MSRA: variants seen among roughly 807,000 people sequenced by gnomAD.
The protein encoded by MSRA is mitochondrial peptide methionine sulfoxide reductase.
In MSRA, 54 loss-of-function variants were observed where a neutral mutation model predicts 31.3. The ratio of observed to expected loss-of-function variants is 1.73; its 90% CI spans 1.39 to 2.17. The LOEUF (loss-of-function observed/expected upper bound fraction) is 2.17, where lower values mean the gene tolerates loss of function less well. Ranked by LOEUF, MSRA falls within the 30% of genes most tolerant of loss-of-function variation. The probability of loss-of-function intolerance (pLI) is 0.00; values close to 1 mark genes in which losing one functional copy is unlikely to be tolerated. For missense variants in MSRA, 507 were observed against 300.9 expected (o/e 1.69, Z -5.07); for synonymous variants, 169 against 116.5 (o/e 1.45, Z -2.90).
chr8:10,206,048 G>C (rs543186447), intron 1 of MSRA, among the ~76,000 whole-genome samples: 33 of 152,242 alleles, frequency 2.2e-4, no homozygotes, highest in South Asian at 6.2e-4. Flanking sequence ...TTCTTCTCGT[G>C]TGTTTTTTTC....
chr8:10,301,627 A>G lies in MSRA; in HGVS notation c.425A>G (p.Asp142Gly). 1 of 1,613,756 alleles carries G rather than the reference A, an allele frequency of 6.2e-7. No individual in the cohort carries two copies. The highest frequency in any genetic ancestry group is 1.1e-5 in the South Asian group (1 of 91,050). ...CTCAAGGTCTTCTGGGAGAATCACG[A>G]CCCGACCCAAGGTAGAGTGATGAGT... ...ELLKVFWENH[D>G]PTQGMRQGND... Residue 142 changes from aspartate to glycine, a missense_variant, in exon 4 of 6, where the codon GAC (aspartate) becomes GGC (glycine). Asp to Gly is a moderately conservative substitution (Grantham distance 94, BLOSUM62 -1). Transcript: ENST00000317173.
intron 1 of MSRA, among the ~76,000 whole-genome samples, chr8:10,103,179 T>A (rs1322234258): frequency 6.6e-6 from 1 of 152,220 alleles, no homozygotes; most frequent in Non-Finnish European, 1.5e-5. Flanking sequence ...GTTATTAACA[T>A]GCGAGGTTTT....
chr8:10,080,232 C>G (rs529081812), intron 1 of MSRA, among the ~76,000 whole-genome samples: 2 of 152,260 alleles, frequency 1.3e-5, no homozygotes, highest in Non-Finnish European at 2.9e-5. Flanking sequence ...AATTATGAAT[C>G]CATATCCCTG....
intron 5 of MSRA, among the ~76,000 whole-genome samples, chr8:10,356,572 G>A (rs1025632190): frequency 1.3e-5 from 2 of 152,180 alleles, no homozygotes; most frequent in Non-Finnish European, 2.9e-5. Context: ...CACCCACAAG[G>A]TGATGGGATT....
intron 4 of MSRA, among the ~76,000 whole-genome samples, chr8:10,311,666 G>A (rs756397249): frequency 1.3e-5 from 2 of 152,032 alleles, no homozygotes; most frequent in Non-Finnish European, 2.9e-5. Flanking sequence ...TAATACCAGC[G>A]TTTTGGGAGG....
At chr8:10,385,617 C>G (rs1325368644) in intron 5 of MSRA, among the ~76,000 whole-genome samples, 2 of 152,070 alleles carry the variant, frequency 1.3e-5, no homozygotes, top group African/African-American at 4.8e-5. Context: ...GGGCCTGGCT[C>G]CCAGAGTTCA....
At chr8:10,417,872 AG>A (rs573865058) in intron 5 of MSRA, among the ~76,000 whole-genome samples, 93 of 151,824 alleles carry the variant, frequency 6.1e-4, no homozygotes, top group African/African-American at 2.0e-3. Context: ...TCCGTGCAGA[AG>A]GGGGAAGGTA....
chr8:10,276,087 C>A (rs1171510498), intron 3 of MSRA, among the ~76,000 whole-genome samples: 1 of 152,208 alleles, frequency 6.6e-6, no homozygotes, highest in Non-Finnish European at 1.5e-5. Context: ...CTGGTGGTCA[C>A]TGCAGCGGTC....
chr8:10,421,622 T>A (rs1808815626), intron 5 of MSRA, among the ~76,000 whole-genome samples: 1 of 152,122 alleles, frequency 6.6e-6, no homozygotes, highest in Admixed American at 6.6e-5. Flanking sequence ...TTCATTACAT[T>A]TATTACCAGA....
intron 1 of MSRA, among the ~76,000 whole-genome samples, chr8:10,137,404 T>A (rs544063899): frequency 2.8e-4 from 43 of 152,332 alleles, no homozygotes; most frequent in African/African-American, 1.0e-3. Flanking sequence ...CTGCTTTCTT[T>A]GAGAGCAAGC....
At chr8:10,158,209 G>T (rs1443039769) in intron 1 of MSRA, among the ~76,000 whole-genome samples, 1 of 152,194 alleles carries the variant, frequency 6.6e-6, no homozygotes, top group African/African-American at 2.4e-5. Context: ...GTCACATTGT[G>T]AGGAAAGATG....
At chr8:10,373,864 G>A (rs1185138118) in intron 5 of MSRA, among the ~76,000 whole-genome samples, 2 of 152,246 alleles carry the variant, frequency 1.3e-5, no homozygotes, top group Non-Finnish European at 2.9e-5. Flanking sequence ...CAGGAGGTGA[G>A]AAGTGCGGTG....
At position 10,372,813 on chromosome 8, in the gene MSRA, A is replaced by G. The variant is rs768733434; in HGVS notation, c.543+52824A>G. ...GATAGACAACTAAAACCAGTCTAGA[A>G]ACTCCAATAAAGCTAAAAATAGGAT... On this transcript the variant is annotated intron_variant, in intron 5 of 5. Coordinates refer to ENST00000317173, the MANE Select transcript of MSRA (RefSeq NM_012331.5). Among the ~76,000 whole-genome samples, 35 of 152,242 alleles carry G rather than the reference A, an allele frequency of 2.3e-4. 2 individuals are homozygous for G. Among genetic ancestry groups the G allele is most frequent in the Admixed American group, 2.2e-3 (33 of 15,290 alleles).
intron 2 of MSRA, among the ~76,000 whole-genome samples, chr8:10,241,458 C>G (rs373914881): frequency 2.6e-4 from 40 of 152,262 alleles, no homozygotes; most frequent in Non-Finnish European, 4.4e-4. Flanking sequence ...AAAAACTCTT[C>G]GATTAGCCTG....
chr8:10,223,905 T>C lies in MSRA; in HGVS notation c.211+16004T>C, dbSNP rs186044906. Reference sequence around the variant, plus strand: ...CACTCCGAATTCCTTTTAGAACAAATGGGTTTTGGTGACAGTGTGTTCAGA... The same window carrying C: ...CACTCCGAATTCCTTTTAGAACAAACGGGTTTTGGTGACAGTGTGTTCAGA... On this transcript the variant is annotated intron_variant, in intron 2 of 5. Transcript: ENST00000317173. 1.7e-4 allele frequency among the ~76,000 whole-genome samples: 26 copies of C among 152,254 alleles called. No individual in the cohort carries two copies. The East Asian group carries it at 4.8e-3, about 28-fold the overall frequency.
At chr8:10,246,712 A>G (rs1797640465) in intron 3 of MSRA, among the ~76,000 whole-genome samples, 2 of 152,248 alleles carry the variant, frequency 1.3e-5, no homozygotes, top group Non-Finnish European at 2.9e-5. Flanking sequence ...CAATGAAAAT[A>G]TTATAAAAAT....
At chr8:10,185,131 C>A (rs1325193938) in intron 1 of MSRA, among the ~76,000 whole-genome samples, 1 of 152,198 alleles carries the variant, frequency 6.6e-6, no homozygotes, top group African/African-American at 2.4e-5. Flanking sequence ...AGAGCCCCTG[C>A]TGATCTCTCA....
intron 5 of MSRA, among the ~76,000 whole-genome samples, chr8:10,374,462 A>G (rs1805647814): frequency 1.3e-5 from 2 of 152,188 alleles, no homozygotes; most frequent in African/African-American, 4.8e-5. Flanking sequence ...CCGCAAGAAC[A>G]CTATGAGGAA....
In MSRA at chr8:10,274,057, G is replaced by T. The variant is rs897650056; in HGVS notation, c.332-27477G>T. 5.3e-5 allele frequency among the ~76,000 whole-genome samples: 8 copies of T among 152,126 alleles called. 1 individual carries two copies. The highest frequency in any genetic ancestry group is 4.1e-4 in the South Asian group (2 of 4,820). ...CCCTTCTTCCTCATGTGTCCCTCCG[G>T]CGCCCTCTACTGACAGGGGTTAGCA... On this transcript the variant is annotated intron_variant, in intron 3 of 5. Coordinates refer to ENST00000317173, the MANE Select transcript of MSRA (RefSeq NM_012331.5).
Sources: allele counts gnomAD v4.1 joint callset (sites outside exome capture counted in the v4.1 genomes callset), GRCh38; gene constraint gnomAD v4.1.1; transcripts MANE v1.5; gene names NCBI Gene and HGNC (gene_info 2026-07-23, HGNC 2026-07-21).